Variants in CCDC68 observed in about 807,000 individuals in gnomAD.
CCDC68 encodes the protein coiled-coil domain containing 68, also known as coiled-coil domain-containing protein 68.
CCDC68 carries 45 observed loss-of-function variants against 47.1 expected under a neutral mutation model. The ratio of observed to expected loss-of-function variants is 0.96; its 90% CI spans 0.75 to 1.23. CCDC68 has a LOEUF of 1.23. Among genes scored for constraint, CCDC68 ranks in the 50% most tolerant of loss-of-function variants. The pLI is 0.00. For missense variants in CCDC68, 353 were observed against 373.6 expected (o/e 0.94, Z 0.45); for synonymous variants, 131 against 129.5 (o/e 1.01, Z -0.08).
At chr18:54,915,199 G>A (rs936654793) in intron 10 of CCDC68, among the ~76,000 whole-genome samples, 4 of 152,210 alleles carry the variant, frequency 2.6e-5, no homozygotes, top group South Asian at 2.1e-4. Context: ...AGGCTGATTC[G>A]CTGTTGGAAC....
At chr18:54,919,215 G>T in intron 9 of CCDC68, 56 bp downstream of exon 9, 1 of 1,333,270 alleles carries the variant, frequency 7.5e-7, no homozygotes, top group Non-Finnish European at 1.1e-6. Flanking sequence ...ACTCGTATTT[G>T]GGCTCCACGC....
chr18:54,957,228 C>G (rs2044726775), intron 1 of CCDC68, among the ~76,000 whole-genome samples: 1 of 152,150 alleles, frequency 6.6e-6, no homozygotes, highest in Admixed American at 6.5e-5. Flanking sequence ...CTTCCCCAAC[C>G]TAAACAAAAG....
intron 11 of CCDC68, among the ~76,000 whole-genome samples, chr18:54,905,805 G>A (rs543171226): frequency 1.3e-5 from 2 of 152,208 alleles, no homozygotes; most frequent in South Asian, 2.1e-4. Context: ...GCAAGAGGGC[G>A]AAGCTTCATC....
intron 6 of CCDC68, among the ~76,000 whole-genome samples, chr18:54,936,345 T>C (rs998384224): frequency 6.7e-6 from 1 of 148,784 alleles, no homozygotes; most frequent in Non-Finnish European, 1.5e-5. Flanking sequence ...TAAAAATATA[T>C]AGATACATAT....
At chr18:54,941,949 C>T (rs1300967865) in intron 3 of CCDC68, among the ~76,000 whole-genome samples, 1 of 152,102 alleles carries the variant, frequency 6.6e-6, no homozygotes, top group South Asian at 2.1e-4. Flanking sequence ...GCACCCACCA[C>T]CAAGCCTGGC....
At chr18:54,920,930 A>T (rs143793539) in intron 8 of CCDC68, among the ~76,000 whole-genome samples, 1 of 152,222 alleles carries the variant, frequency 6.6e-6, no homozygotes, top group African/African-American at 2.4e-5. Flanking sequence ...GACAGCAAAG[A>T]CATAGAAACA....
chr18:54,941,742 T>C (rs2145583923), intron 3 of CCDC68, among the ~76,000 whole-genome samples: 1 of 152,324 alleles, frequency 6.6e-6, no homozygotes, highest in South Asian at 2.1e-4. Context: ...TCTTAGACTG[T>C]AAGACTGTAA....
chr18:54,934,200 T>G lies in CCDC68; in HGVS notation c.600+620A>C, dbSNP rs529775588. 1.2e-4 allele frequency among the ~76,000 whole-genome samples: 18 copies of G among 152,348 alleles called. 1 individual carries two copies. Among genetic ancestry groups the G allele is most frequent in the Admixed American group, 1.0e-3 (16 of 15,306 alleles). ...AATTCTATGGCATACATACACAAAT[T>G]TATGTGTTCACCTTTTGTGTATATT... On this transcript the variant is annotated intron_variant, in intron 7 of 11. Transcript: ENST00000591504.
chr18:54,942,868 T>C (rs900032003), intron 2 of CCDC68, 65 bp from the exon 3 acceptor site: 2 of 867,622 alleles, frequency 2.3e-6, no homozygotes, highest in African/African-American at 3.4e-5. Flanking sequence ...ATATGGTTCA[T>C]AAACTGAAAT....
rs1568154306 is a variant in CCDC68, at chr18:54,938,088, TTCC to T, written c.211_213del (p.Gly71del). 8 of 1,612,912 alleles carry T rather than the reference TTCC, an allele frequency of 5.0e-6. No individual in the cohort carries two copies. The African/African-American group carries it at 9.4e-5, about 19-fold the overall frequency. ...TCAGAATCAGAGCCCTGTTGAAGGT[TTCC>T]ACAGTGCTGAAACGGACAAATGAAA... On this transcript the variant is annotated inframe_deletion, in exon 5 of 12. Coordinates refer to ENST00000591504, the MANE Select transcript of CCDC68 (RefSeq NM_025214.3).
At chr18:54,930,633 C>CCTTCCTTCCTTCCTTCCTT (rs1451918978) in intron 7 of CCDC68, among the ~76,000 whole-genome samples, 1 of 14,880 alleles carries the variant, frequency 6.7e-5, no homozygotes, top group Admixed American at 6.6e-4. Context: ...TCCCCTCCCT[C>CCTTCCTTCCTTCCTTCCTT]CCTCCCTCCC....
At chr18:54,922,937 G>A (rs1358667209) in intron 8 of CCDC68, among the ~76,000 whole-genome samples, 2 of 141,302 alleles carry the variant, frequency 1.4e-5, no homozygotes, top group African/African-American at 2.6e-5. Context: ...GCAGTGAGGC[G>A]AGATCGTGCC....
intron 1 of CCDC68, among the ~76,000 whole-genome samples, chr18:54,957,627 ACTCTCTCTCTCT>A (rs60851819): frequency 7.0e-6 from 1 of 143,754 alleles, no homozygotes; most frequent in Non-Finnish European, 1.5e-5. Flanking sequence ...ACACACACAC[ACTCTCTCTCTCT>A]CTCTCTCTCT....
rs2145322986 is a variant in CCDC68, at chr18:54,902,684, C to T, written c.*1674G>A. 1 of 152,280 alleles carries T rather than the reference C, an allele frequency of 6.6e-6. No individual in the cohort carries two copies. The highest frequency in any genetic ancestry group is 1.5e-5 in the Non-Finnish European group (1 of 68,000). The allele number at this position is 152,280 out of a possible 1,614,324, so 9.4% of individuals were successfully genotyped here. A position where few individuals can be genotyped will look rare whatever the true frequency, so the allele number is the denominator to read the frequency against. ...TTTCTTACTGTCATCCACAAAATAA[C>T]ACAGGCAGTCATCCAGGAAGCTATG... On this transcript the variant is annotated 3_prime_UTR_variant, in exon 12 of 12. Transcript: ENST00000591504.
chr18:54,948,230 C>A (rs2044558168), intron 1 of CCDC68, among the ~76,000 whole-genome samples: 1 of 152,036 alleles, frequency 6.6e-6, no homozygotes, highest in Non-Finnish European at 1.5e-5. Context: ...TAGGGTGGAT[C>A]CCTACTCCAA....
At position 54,902,970 on chromosome 18, in the gene CCDC68, A is replaced by G. The variant is rs912922944; in HGVS notation, c.*1388T>C. 1 of 152,210 alleles carries G rather than the reference A, an allele frequency of 6.6e-6. No homozygotes were observed. The highest frequency in any genetic ancestry group is 1.5e-5 in the Non-Finnish European group (1 of 68,026). The allele number at this position is 152,210 out of a possible 1,614,324, so 9.4% of individuals were successfully genotyped here. ...TTAGACTTGTTGCTGGTATAAGGTA[A>G]CTATGCCCTAAATGTTAACAGATAA... On this transcript the variant is annotated 3_prime_UTR_variant, in exon 12 of 12. Coordinates refer to ENST00000591504, the MANE Select transcript of CCDC68 (RefSeq NM_025214.3).
chr18:54,925,040 T>C (rs1302178659), intron 8 of CCDC68, among the ~76,000 whole-genome samples: 2 of 152,238 alleles, frequency 1.3e-5, no homozygotes, highest in African/African-American at 4.8e-5. Flanking sequence ...GGCAATTTTC[T>C]TTCTGGCTTT....
intron 11 of CCDC68, among the ~76,000 whole-genome samples, chr18:54,906,611 G>T (rs1164633823): frequency 6.6e-6 from 1 of 152,170 alleles, no homozygotes; most frequent in Non-Finnish European, 1.5e-5. Flanking sequence ...ATGGAAGGGA[G>T]CAAAATATTA....
intron 3 of CCDC68, among the ~76,000 whole-genome samples, chr18:54,941,685 TA>T (rs1012784220): frequency 6.6e-6 from 1 of 152,176 alleles, no homozygotes; most frequent in Non-Finnish European, 1.5e-5. Flanking sequence ...AATAATTAAA[TA>T]ATCCAAAAAG....
Sources: gnomAD v4.1 joint callset for allele counts (sites outside exome capture counted in the v4.1 genomes callset) on GRCh38, gnomAD v4.1.1 for gene constraint, MANE v1.5 for transcripts, NCBI Gene and HGNC (gene_info 2026-07-23, HGNC 2026-07-21) for gene names.